Variants in COMMD10 observed in about 807,000 individuals in gnomAD.
COMMD10 encodes the protein COMM domain containing 10, also known as COMM domain-containing protein 10.
In COMMD10, 33 loss-of-function variants were observed where a neutral mutation model predicts 28.9. The observed-to-expected ratio is 1.14, with a 90% CI of 0.87 to 1.53. The LOEUF (loss-of-function observed/expected upper bound fraction) is 1.53, where lower values mean the gene tolerates loss of function less well. Among genes scored for constraint, COMMD10 ranks in the 40% most tolerant of loss-of-function variants. COMMD10 has a pLI of 0.00. For synonymous variants in COMMD10, 110 were observed against 81.7 expected (o/e 1.35, Z -1.87); for missense variants, 310 against 233.4 (o/e 1.33, Z -2.14).
At position 116,215,238 on chromosome 5, in the gene COMMD10, G is replaced by A. The variant is rs940845705; in HGVS notation, c.511-76279G>A. Among the ~76,000 whole-genome samples, 7 of 152,088 alleles carry A rather than the reference G, an allele frequency of 4.6e-5. No homozygotes were observed. The South Asian group carries it at 1.2e-3, about 27-fold the overall frequency. ...TGGGTGTTATGGAATATAAGAAAAA[G>A]AAATGAATAGTTGTATAGTCAACAT... On this transcript the variant is annotated intron_variant, in intron 5 of 6. Coordinates refer to ENST00000274458, the MANE Select transcript of COMMD10 (RefSeq NM_016144.4).
At chr5:116,131,239 A>G (rs148924748) in intron 4 of COMMD10, among the ~76,000 whole-genome samples, 438 of 152,154 alleles carry the variant, frequency 2.9e-3, no homozygotes, top group East Asian at 7.9e-3. Flanking sequence ...CTTAAGGTCA[A>G]TTAGTATGGA....
At chr5:116,238,165 A>G (rs1202734731) in intron 5 of COMMD10, among the ~76,000 whole-genome samples, 3 of 152,186 alleles carry the variant, frequency 2.0e-5, no homozygotes, top group African/African-American at 7.2e-5. Context: ...GGAAGAAACA[A>G]TGCTTCTCAG....
At chr5:116,190,034 A>G (rs1401977734) in intron 5 of COMMD10, among the ~76,000 whole-genome samples, 2 of 152,144 alleles carry the variant, frequency 1.3e-5, no homozygotes, top group Admixed American at 1.3e-4. Context: ...TGCCTAAGCA[A>G]TCAGCACGCT....
chr5:116,151,877 G>A (rs1426882506), intron 5 of COMMD10, among the ~76,000 whole-genome samples: 1 of 152,080 alleles, frequency 6.6e-6, no homozygotes, highest in Non-Finnish European at 1.5e-5. Flanking sequence ...TCTGATTTTA[G>A]TTATTTCTTG....
intron 5 of COMMD10, among the ~76,000 whole-genome samples, chr5:116,250,808 C>A (rs1218282346): frequency 6.6e-6 from 1 of 151,882 alleles, no homozygotes; most frequent in Non-Finnish European, 1.5e-5. Flanking sequence ...AATTAAAGGA[C>A]CATATCTGCA....
At chr5:116,153,928 G>A (rs183291889) in intron 5 of COMMD10, among the ~76,000 whole-genome samples, 1 of 152,174 alleles carries the variant, frequency 6.6e-6, no homozygotes, top group Non-Finnish European at 1.5e-5. Context: ...ACGGGTGATG[G>A]AGCACTTAGA....
intron 5 of COMMD10, among the ~76,000 whole-genome samples, chr5:116,258,402 T>C (rs1316690939): frequency 1.3e-5 from 2 of 151,724 alleles, no homozygotes; most frequent in African/African-American, 4.9e-5. Flanking sequence ...TTCCTACTTT[T>C]TGGACACTAC....
intron 5 of COMMD10, among the ~76,000 whole-genome samples, chr5:116,140,828 T>C (rs1047976266): frequency 6.6e-6 from 1 of 151,856 alleles, no homozygotes; most frequent in Non-Finnish European, 1.5e-5. Context: ...ATACATGTTG[T>C]ATATTAACCC....
chr5:116,149,311 A>G lies in COMMD10; in HGVS notation c.510+15133A>G, dbSNP rs1752439049. On this transcript the variant is annotated intron_variant, in intron 5 of 6. Coordinates refer to ENST00000274458, the MANE Select transcript of COMMD10 (RefSeq NM_016144.4). ...TGCTATTGTGAATAGTGCCGCAATA[A>G]ACATACGTGTGTGTGTGTCTTTATA... is the stretch of plus-strand genomic sequence containing the variant. Among the ~76,000 whole-genome samples the G allele has an allele frequency of 2.1e-5, 3 of 144,304 alleles. No individual in the cohort carries two copies. In the South Asian group the frequency reaches 6.7e-4, roughly 32 times the overall value. The allele number at this position is 144,304 out of a possible 152,430, so 94.7% of individuals were successfully genotyped here.
At chr5:116,173,131 A>G (rs879067650) in intron 5 of COMMD10, among the ~76,000 whole-genome samples, 1 of 152,140 alleles carries the variant, frequency 6.6e-6, no homozygotes, top group Non-Finnish European at 1.5e-5. Flanking sequence ...GTAAAGTCAT[A>G]TAATCTTAAT....
chr5:116,140,229 C>CATGTGTGTGTG (rs879481160), intron 5 of COMMD10, among the ~76,000 whole-genome samples: 1 of 122,244 alleles, frequency 8.2e-6, no homozygotes, highest in Non-Finnish European at 1.6e-5. Context: ...ACTCATACTA[C>CATGTGTGTGTG]TATGTGTGTG....
chr5:116,263,059 T>C lies in COMMD10; in HGVS notation c.511-28458T>C, dbSNP rs113053744. 2.0e-3 allele frequency among the ~76,000 whole-genome samples: 302 copies of C among 151,982 alleles called. 2 individuals carry two copies. The highest frequency in any genetic ancestry group is 3.4e-3 in the Middle Eastern group (1 of 294). Reference sequence around the variant, plus strand: ...AATAGTTTGCTTATTTGGTTTGATATTGGTTGTCATGATTTAAAATGCTAT... The same window carrying C: ...AATAGTTTGCTTATTTGGTTTGATACTGGTTGTCATGATTTAAAATGCTAT... On this transcript the variant is annotated intron_variant, in intron 5 of 6. Coordinates refer to ENST00000274458, the MANE Select transcript of COMMD10 (RefSeq NM_016144.4).
At chr5:116,213,877 T>G (rs557987871) in intron 5 of COMMD10, among the ~76,000 whole-genome samples, 2 of 152,134 alleles carry the variant, frequency 1.3e-5, no homozygotes, top group African/African-American at 2.4e-5. Flanking sequence ...AATTTGTTGT[T>G]AAAAGGGACA....
intron 5 of COMMD10, among the ~76,000 whole-genome samples, chr5:116,168,735 G>T (rs1263381789): frequency 6.6e-6 from 1 of 152,136 alleles, no homozygotes; most frequent in African/African-American, 2.4e-5. Context: ...TGACTACTGG[G>T]TAAATAACGA....
chr5:116,238,553 T>A (rs1267949519), intron 5 of COMMD10, among the ~76,000 whole-genome samples: 1 of 152,210 alleles, frequency 6.6e-6, no homozygotes, highest in Admixed American at 6.5e-5. Context: ...CATAAGTAAG[T>A]ACCCTCTGTG....
chr5:116,129,074 C>T lies in COMMD10; in HGVS notation c.400-4994C>T, dbSNP rs772783089. 3.9e-5 allele frequency among the ~76,000 whole-genome samples: 6 copies of T among 151,900 alleles called. No individual in the cohort carries two copies. The East Asian group carries it at 5.8e-4, about 15-fold the overall frequency. ...GTGACTATGTAAACATACAATTCCA[C>T]GTGAGACTTTCTCCACTTTGATTCA... On this transcript the variant is annotated intron_variant, in intron 4 of 6. Coordinates refer to ENST00000274458, the MANE Select transcript of COMMD10 (RefSeq NM_016144.4).
At chr5:116,146,111 G>A (rs1462762737) in intron 5 of COMMD10, among the ~76,000 whole-genome samples, 1 of 151,858 alleles carries the variant, frequency 6.6e-6, no homozygotes, top group Non-Finnish European at 1.5e-5. Context: ...CAGTTTATCT[G>A]TTAAGACAAA....
intron 4 of COMMD10, among the ~76,000 whole-genome samples, chr5:116,116,400 A>G (rs892740278): frequency 6.6e-6 from 1 of 152,232 alleles, no homozygotes; most frequent in African/African-American, 2.4e-5. Context: ...GAAAAAGCAT[A>G]CTTTATGCAG....
intron 5 of COMMD10, among the ~76,000 whole-genome samples, chr5:116,278,644 G>A (rs955378322): frequency 2.0e-5 from 3 of 151,682 alleles, no homozygotes; most frequent in Non-Finnish European, 4.4e-5. Flanking sequence ...TCTCTTATAC[G>A]ATTTTTATAC....
Sources: gnomAD v4.1 joint callset for allele counts (sites outside exome capture counted in the v4.1 genomes callset) on GRCh38, gnomAD v4.1.1 for gene constraint, MANE v1.5 for transcripts, NCBI Gene and HGNC (gene_info 2026-07-23, HGNC 2026-07-21) for gene names.